Variants in LYN observed in about 807,000 individuals in gnomAD.
The protein encoded by LYN is tyrosine-protein kinase Lyn.
In LYN, 12 loss-of-function variants were observed where a neutral mutation model predicts 65.0. The observed-to-expected ratio is 0.18, with a 90% CI of 0.12 to 0.30. LYN has a LOEUF of 0.30. LYN is among the 10% of genes least tolerant of loss of function. The pLI, the probability that LYN is intolerant of heterozygous loss-of-function variation, is 1.00. For synonymous variants in LYN, 222 were observed against 221.2 expected (o/e 1.00, Z -0.03); for missense variants, 380 against 623.2 (o/e 0.61, Z 4.16).
At chr8:55,909,012 C>T (rs2443049) in intron 1 of LYN, among the ~76,000 whole-genome samples, 50,632 of 64,056 alleles carry the variant, frequency 0.79, 18,646 homozygotes, top group East Asian at 0.95. Flanking sequence ...TATATATATA[C>T]ACACACACAC....
At chr8:55,991,583 G>A (rs1385217527) in intron 10 of LYN, among the ~76,000 whole-genome samples, 1 of 152,152 alleles carries the variant, frequency 6.6e-6, no homozygotes, top group African/African-American at 2.4e-5. Context: ...GATGCCAAGA[G>A]TTTCACCAGA....
At chr8:55,892,258 T>A (rs899622017) in intron 1 of LYN, among the ~76,000 whole-genome samples, 1 of 152,108 alleles carries the variant, frequency 6.6e-6, no homozygotes, top group Non-Finnish European at 1.5e-5. Flanking sequence ...CCATCTCTTC[T>A]AAAAATCCAA....
At chr8:55,958,077 C>T (rs937813761) in intron 8 of LYN, among the ~76,000 whole-genome samples, 15 of 152,158 alleles carry the variant, frequency 9.9e-5, no homozygotes, top group African/African-American at 3.6e-4. Flanking sequence ...AAGTCAGGAG[C>T]TAGGCAGCCT....
chr8:55,966,602 A>G (rs1340430114), intron 8 of LYN, 113 bp from the exon 9 acceptor site: 3 of 793,824 alleles, frequency 3.8e-6, no homozygotes, highest in Non-Finnish European at 5.9e-6. Context: ...TCCTGACATC[A>G]GGTGACCCAC....
At chr8:55,891,037 G>A (rs935681604) in intron 1 of LYN, among the ~76,000 whole-genome samples, 1 of 150,926 alleles carries the variant, frequency 6.6e-6, no homozygotes, top group Non-Finnish European at 1.5e-5. Flanking sequence ...CCATACAATG[G>A]AATGTTATTC....
At chr8:55,911,787 G>A (rs1185013704) in intron 1 of LYN, among the ~76,000 whole-genome samples, 1 of 152,118 alleles carries the variant, frequency 6.6e-6, no homozygotes, top group Non-Finnish European at 1.5e-5. Flanking sequence ...TTGATTTGAA[G>A]ATTGAGAAAC....
rs188736332 is a variant in LYN at position 55,974,784 on chromosome 8, A to G, written c.1050+4991A>G. On this transcript the variant is annotated intron_variant, in intron 10 of 12. Transcript: ENST00000519728. ...CAGTGAATCAACTGCTTTATCTTCA[A>G]AGCCTTGATTAGTAACAACCTTTGA... Among the ~76,000 whole-genome samples, 344 of 152,262 alleles carry G rather than the reference A, an allele frequency of 2.3e-3. 1 individual carries two copies. The highest frequency in any genetic ancestry group is 3.9e-3 in the Non-Finnish European group (267 of 68,026).
At chr8:55,995,778 G>A (rs779890177) in intron 10 of LYN, among the ~76,000 whole-genome samples, 9 of 152,182 alleles carry the variant, frequency 5.9e-5, no homozygotes, top group African/African-American at 1.2e-4. Flanking sequence ...GGGCTGAGCC[G>A]GGGCCGGGTC....
Position 55,996,520 on chromosome 8 carries a change from C to G in LYN, c.1051-1826C>G, listed in dbSNP as rs566056251. ...TAACTGCTTACCAGATAAACTACTA[C>G]TTGGCTTTCTTTACTTCTTGCCCTT... On this transcript the variant is annotated intron_variant, in intron 10 of 12. Coordinates refer to ENST00000519728, the MANE Select transcript of LYN (RefSeq NM_002350.4). 3.3e-4 allele frequency among the ~76,000 whole-genome samples: 51 copies of G among 152,308 alleles called. 1 individual carries two copies. In the South Asian group the frequency reaches 0.011, roughly 32 times the overall value.
chr8:55,941,948 C>T lies in LYN; in HGVS notation c.89C>T (p.Thr30Ile), dbSNP rs770953840. Reference protein sequence around the residue: ...KTQPVRNTERTIYVRDPTSNK... With the variant: ...KTQPVRNTERIIYVRDPTSNK... ...CAACCAGTACGTAATACTGAAAGAA[C>T]TATTTATGTGAGAGATCCAACGTCC... The change falls in exon 2 of 13, where the codon ACT becomes ATT. Residue 30 changes from threonine (T) to isoleucine (I), a missense_variant. Physicochemically the swap from Thr to Ile is moderately conservative, Grantham distance 89. Around this residue, in one of 2 missense-constraint regions of LYN, gnomAD observed 157 missense variants for 193.2 expected, o/e 0.81. Coordinates refer to ENST00000519728, the MANE Select transcript of LYN (RefSeq NM_002350.4). The T allele has an allele frequency of 1.9e-6, 3 of 1,613,416 alleles. No individual in the cohort carries two copies. Among genetic ancestry groups the T allele is most frequent in the South Asian group, 1.1e-5 (1 of 91,062 alleles).
intron 1 of LYN, among the ~76,000 whole-genome samples, chr8:55,887,573 TATACACACACAC>T (rs1484958062): frequency 2.3e-5 from 1 of 42,580 alleles, no homozygotes; most frequent in African/African-American, 8.7e-5. Context: ...TATATATATA[TATACACACACAC>T]ACACACACAC....
chr8:55,956,463 C>A (rs180953126), intron 8 of LYN, among the ~76,000 whole-genome samples: 11 of 152,246 alleles, frequency 7.2e-5, no homozygotes, highest in Admixed American at 7.2e-4. Flanking sequence ...TACAGTAATC[C>A]ACCATCACTT....
Position 55,998,502 on chromosome 8 carries a change from A to G in LYN, c.1204+3A>G, listed in dbSNP as rs1585679415. ...TAATGAGTACACAGCAAGGGAAGGT[A>G]TGTTGCACTAATGATCTTTAGATGT... On this transcript the variant is annotated splice_donor_region_variant and intron_variant, in intron 11 of 12. Coordinates refer to ENST00000519728, the MANE Select transcript of LYN (RefSeq NM_002350.4). 1 of 1,603,880 alleles carries G rather than the reference A, an allele frequency of 6.2e-7. No homozygotes were observed. Among genetic ancestry groups the G allele is most frequent in the Non-Finnish European group, 8.5e-7 (1 of 1,171,246 alleles).
At chr8:55,997,133 G>T (rs1808393354) in intron 10 of LYN, among the ~76,000 whole-genome samples, 1 of 149,108 alleles carries the variant, frequency 6.7e-6, no homozygotes, top group Non-Finnish European at 1.5e-5. Flanking sequence ...CTGCACTCCA[G>T]CCTGGGGGAG....
intron 1 of LYN, among the ~76,000 whole-genome samples, chr8:55,928,845 ACCAAACCCAAGGTCATCTAG>A (rs1316441870): frequency 6.6e-6 from 1 of 152,098 alleles, no homozygotes; most frequent in Non-Finnish European, 1.5e-5. Context: ...AAATGTCATC[ACCAAACCCAAGGTCATCTAG>A]CTTTTCTCCT....
chr8:56,009,081 A>T (rs1808748216), intron 12 of LYN, among the ~76,000 whole-genome samples: 1 of 152,262 alleles, frequency 6.6e-6, no homozygotes. Context: ...AATACCAATT[A>T]TTAAATGAAA....
chr8:55,953,123 G>A (rs1423783461), intron 7 of LYN, among the ~76,000 whole-genome samples: 2 of 152,220 alleles, frequency 1.3e-5, no homozygotes, highest in Admixed American at 6.5e-5. Context: ...CACATGCTGA[G>A]GGCTTGTGGT....
chr8:55,993,685 G>T (rs190548719), intron 10 of LYN, among the ~76,000 whole-genome samples: 120 of 152,342 alleles, frequency 7.9e-4, no homozygotes, highest in African/African-American at 2.8e-3. Context: ...AGGATGTGAA[G>T]CAGTGTTTGG....
At chr8:55,881,880 T>C (rs1804662515) in intron 1 of LYN, among the ~76,000 whole-genome samples, 1 of 152,152 alleles carries the variant, frequency 6.6e-6, no homozygotes, top group Non-Finnish European at 1.5e-5. Flanking sequence ...GCCTGGTACA[T>C]AGTAGGTGCT....
Sources: gnomAD v4.1 joint callset for allele counts (sites outside exome capture counted in the v4.1 genomes callset) on GRCh38, gnomAD v4.1.1 for gene constraint, gnomAD v4.1.1 regional missense constraint, MANE v1.5 for transcripts, NCBI Gene and HGNC (gene_info 2026-07-23, HGNC 2026-07-21) for gene names.